Variants in G3BP2 observed in about 807,000 individuals in gnomAD.
G3BP2 encodes G3BP stress granule assembly factor 2.
In G3BP2, 11 loss-of-function variants were observed where a neutral mutation model predicts 56.7. The ratio of observed to expected loss-of-function variants is 0.19; its 90% CI spans 0.12 to 0.32. G3BP2 has a LOEUF of 0.32. Ranked by LOEUF, G3BP2 falls within the 10% of genes least tolerant of loss-of-function variation. The pLI, the probability that G3BP2 is intolerant of heterozygous loss-of-function variation, is 1.00. For missense variants in G3BP2, 340 were observed against 610.9 expected (o/e 0.56, Z 4.67); for synonymous variants, 165 against 191.6 (o/e 0.86, Z 1.15).
In G3BP2 at chr4:75,680,978, A is replaced by T. The variant is rs1372464399; in HGVS notation, c.-24-18929T>A. On this transcript the variant is annotated intron_variant, in intron 3 of 3. Coordinates refer to the G3BP2 transcript ENST00000499709. ...CAAGACCCCGTCTCAAAAAATAAAT[A>T]AAAAATTAAAAAAAAAAAAAGAAAA... is the stretch of plus-strand genomic sequence containing the variant. Among the ~76,000 whole-genome samples the T allele has an allele frequency of 9.0e-5, 8 of 88,794 alleles. No homozygotes were observed. The East Asian group carries it at 3.8e-3, about 42-fold the overall frequency. The allele number at this position is 88,794 out of a possible 152,430, so 58.3% of individuals were successfully genotyped here. A position where few individuals can be genotyped will look rare whatever the true frequency, so the allele number is the denominator to read the frequency against.
intron 2 of G3BP2, among the ~76,000 whole-genome samples, chr4:75,721,101 G>A (rs770658158): frequency 5.7e-4 from 87 of 152,024 alleles, no homozygotes; most frequent in Non-Finnish European, 1.1e-3. Flanking sequence ...CCACCACGCC[G>A]AGCTAATTTT....
intron 3 of G3BP2, among the ~76,000 whole-genome samples, chr4:75,711,091 G>A (rs916423440): frequency 4.6e-5 from 7 of 152,096 alleles, no homozygotes; most frequent in Non-Finnish European, 8.8e-5. Flanking sequence ...AGGCCAAGAC[G>A]GACAGATCAC....
chr4:75,676,736 C>G (rs1299247988), upstream of G3BP2, among the ~76,000 whole-genome samples: 1 of 152,218 alleles, frequency 6.6e-6, no homozygotes, highest in Non-Finnish European at 1.5e-5. Context: ...CTCAATGCTT[C>G]CACTCTTATT....
intron 3 of G3BP2, among the ~76,000 whole-genome samples, chr4:75,693,980 A>G (rs577802691): frequency 2.6e-5 from 4 of 152,026 alleles, no homozygotes; most frequent in Non-Finnish European, 4.4e-5. Flanking sequence ...GTCTCAAGCA[A>G]TCTTCCTGCC....
At chr4:75,698,826 G>A (rs1719223104) in intron 3 of G3BP2, among the ~76,000 whole-genome samples, 2 of 152,040 alleles carry the variant, frequency 1.3e-5, no homozygotes, top group South Asian at 2.1e-4. Flanking sequence ...CACCCAAGGC[G>A]CTAGGACCAC....
chr4:75,715,690 CAGGAAA>C (rs997960174), intron 3 of G3BP2, among the ~76,000 whole-genome samples: 1 of 152,200 alleles, frequency 6.6e-6, no homozygotes, highest in African/African-American at 2.4e-5. Context: ...GTTAAAGGTG[CAGGAAA>C]GAAGACACTG....
chr4:75,709,119 C>T (rs1719657758), intron 3 of G3BP2, among the ~76,000 whole-genome samples: 1 of 145,952 alleles, frequency 6.9e-6, no homozygotes, highest in Non-Finnish European at 1.5e-5. Context: ...ACAATAACAA[C>T]AACAACAAAA....
chr4:75,688,702 G>C (rs1718724131), intron 3 of G3BP2, among the ~76,000 whole-genome samples: 1 of 152,120 alleles, frequency 6.6e-6, no homozygotes, highest in African/African-American at 2.4e-5. Flanking sequence ...CAAAAACCTT[G>C]GATGATCCAT....
intron 1 of G3BP2, among the ~76,000 whole-genome samples, chr4:75,670,590 G>A (rs7693116): frequency 0.011 from 1,619 of 152,232 alleles, 36 homozygotes; most frequent in African/African-American, 0.037. Flanking sequence ...GTAAGAAATG[G>A]AAATGCTTGC....
intron 1 of G3BP2, among the ~76,000 whole-genome samples, chr4:75,722,382 C>T (rs541831310): frequency 6.6e-6 from 1 of 152,210 alleles, no homozygotes; most frequent in Non-Finnish European, 1.5e-5. Context: ...TAAAACAAAA[C>T]AGGACATTTG....
intron 3 of G3BP2, among the ~76,000 whole-genome samples, chr4:75,718,682 C>G (rs1449623664): frequency 6.6e-6 from 1 of 152,148 alleles, no homozygotes; most frequent in South Asian, 2.1e-4. Flanking sequence ...TGACTCAAGG[C>G]CAATCAGAAC....
At position 75,645,367 on chromosome 4, in the gene G3BP2, T is replaced by A; in HGVS notation, c.*63A>T. On this transcript the variant is annotated 3_prime_UTR_variant, in exon 12 of 12. Coordinates refer to ENST00000359707, the MANE Select transcript of G3BP2 (RefSeq NM_203505.3). ...TCACATTCCAAAGCCAAAAAAAAAATTAACAAGAATGCAAACACGATGAAT... is the reference window on the plus strand; with the variant it reads ...TCACATTCCAAAGCCAAAAAAAAAAATAACAAGAATGCAAACACGATGAAT... 3.4e-6 allele frequency: 5 copies of A among 1,470,026 alleles called. No individual in the cohort carries two copies. The highest frequency in any genetic ancestry group is 1.3e-5 in the South Asian group (1 of 75,852). 91.1% of individuals were successfully genotyped at this position (1,470,026 alleles called of 1,614,324 possible).
At chr4:75,651,988 C>G (rs971550747) in intron 8 of G3BP2, among the ~76,000 whole-genome samples, 1 of 152,096 alleles carries the variant, frequency 6.6e-6, no homozygotes, top group Non-Finnish European at 1.5e-5. Context: ...GAAATGAATA[C>G]TACACAAAAG....
At chr4:75,686,538 G>A (rs1718610908) in intron 3 of G3BP2, among the ~76,000 whole-genome samples, 1 of 122,886 alleles carries the variant, frequency 8.1e-6, no homozygotes, top group Admixed American at 1.1e-4. Flanking sequence ...CTGGCAGAAG[G>A]AACAGCAAGA....
At chr4:75,691,493 G>A (rs1718856201) in intron 3 of G3BP2, among the ~76,000 whole-genome samples, 1 of 152,184 alleles carries the variant, frequency 6.6e-6, no homozygotes, top group Non-Finnish European at 1.5e-5. Context: ...ACAGGCGTGA[G>A]CCACTGTGCC....
upstream of G3BP2, among the ~76,000 whole-genome samples, chr4:75,675,648 C>T (rs953570095): frequency 1.3e-5 from 2 of 152,162 alleles, no homozygotes; most frequent in African/African-American, 4.8e-5. Context: ...CAAAATTAGC[C>T]GGGCGTGGTG....
intron 3 of G3BP2, among the ~76,000 whole-genome samples, chr4:75,698,936 T>A (rs1719226245): frequency 6.6e-6 from 1 of 151,926 alleles, no homozygotes; most frequent in South Asian, 2.1e-4. Context: ...GCTCAAGACA[T>A]CCTCCCAAAG....
chr4:75,719,363 A>G (rs572068558), intron 3 of G3BP2, among the ~76,000 whole-genome samples: 1 of 151,662 alleles, frequency 6.6e-6, no homozygotes, highest in African/African-American at 2.4e-5. Flanking sequence ...AAAAAAAAAA[A>G]AAAAGAAATT....
At chr4:75,657,814 C>T in intron 3 of G3BP2, 84 bp from the exon 4 acceptor site, 2 of 827,736 alleles carry the variant, frequency 2.4e-6, no homozygotes, top group Non-Finnish European at 3.8e-6. Flanking sequence ...CATTGATTTC[C>T]TTACAACTCT....
Sources: gnomAD v4.1 joint callset for allele counts (sites outside exome capture counted in the v4.1 genomes callset) on GRCh38, gnomAD v4.1.1 for gene constraint, MANE v1.5 for transcripts, NCBI Gene and HGNC (gene_info 2026-07-23, HGNC 2026-07-21) for gene names.